The following SLC44A5 variants were observed in gnomAD, a reference collection of about 807,000 sequenced individuals.
SLC44A5 encodes the protein choline transporter-like protein 5.
In SLC44A5, 57 loss-of-function variants were observed where a neutral mutation model predicts 101.8. The ratio of observed to expected loss-of-function variants is 0.56; its 90% CI spans 0.45 to 0.70. The LOEUF (loss-of-function observed/expected upper bound fraction) is 0.70. Ranked by LOEUF, SLC44A5 falls within the 30% of genes least tolerant of loss-of-function variation. SLC44A5 has a pLI of 0.00. For missense variants in SLC44A5, 737 were observed against 853.1 expected (o/e 0.86, Z 1.70); for synonymous variants, 281 against 290.9 (o/e 0.97, Z 0.35).
At chr1:75,353,922 A>G in intron 3 of SLC44A5, 1 of 240,566 alleles carries the variant, frequency 4.2e-6, no homozygotes. Context: ...CAAAAACAGT[A>G]ATATGGGGTA....
At chr1:75,286,110 T>G (rs1181435859) in intron 5 of SLC44A5, among the ~76,000 whole-genome samples, 2 of 152,148 alleles carry the variant, frequency 1.3e-5, no homozygotes, top group Non-Finnish European at 2.9e-5. Context: ...CTAATTCATT[T>G]CTCAGGTCTA....
chr1:75,551,031 C>T (rs1335131289), intron 1 of SLC44A5, among the ~76,000 whole-genome samples: 1 of 152,132 alleles, frequency 6.6e-6, no homozygotes, highest in African/African-American at 2.4e-5. Flanking sequence ...AAGTTTTTAG[C>T]ACAGTTCTTA....
At chr1:75,461,124 A>C (rs1030434522) in intron 2 of SLC44A5, among the ~76,000 whole-genome samples, 2 of 152,224 alleles carry the variant, frequency 1.3e-5, no homozygotes, top group African/African-American at 4.8e-5. Flanking sequence ...CATTTACAAG[A>C]ATGTTTACAA....
chr1:75,335,831 C>G (rs975967930), intron 4 of SLC44A5, among the ~76,000 whole-genome samples: 5 of 152,178 alleles, frequency 3.3e-5, no homozygotes, highest in African/African-American at 7.2e-5. Flanking sequence ...TAGTAGTCTT[C>G]TTTGCTCTGT....
intron 4 of SLC44A5, among the ~76,000 whole-genome samples, chr1:75,324,926 A>T (rs61120728): frequency 0.013 from 2,055 of 152,318 alleles, 46 homozygotes; most frequent in Middle Eastern, 0.054. Flanking sequence ...TGAAAGTTAA[A>T]GTGCTCTCAC....
chr1:75,351,207 T>A (rs1184760403), intron 3 of SLC44A5, among the ~76,000 whole-genome samples: 1 of 151,908 alleles, frequency 6.6e-6, no homozygotes, highest in Non-Finnish European at 1.5e-5. Flanking sequence ...ATTCAAAATG[T>A]GAATGTTTAG....
chr1:75,470,233 T>C (rs937309778), intron 2 of SLC44A5, among the ~76,000 whole-genome samples: 1 of 152,174 alleles, frequency 6.6e-6, no homozygotes. Context: ...GCTAAAAGCT[T>C]TGGTTTTCAA....
At chr1:75,213,424 C>T (rs1190197156) in intron 22 of SLC44A5, among the ~76,000 whole-genome samples, 1 of 152,100 alleles carries the variant, frequency 6.6e-6, no homozygotes, top group Non-Finnish European at 1.5e-5. Flanking sequence ...TTGAAGGTGG[C>T]ACCTTTGGGA....
chr1:75,712,722 GA>G, the SLC44A5 span, among the ~76,000 whole-genome samples: 14 of 85,596 alleles, frequency 1.6e-4, no homozygotes, highest in South Asian at 1.9e-3. Flanking sequence ...AAATGGAAAA[GA>G]AAAAAAAAAT....
At chr1:75,461,606 G>C (rs1238335159) in intron 2 of SLC44A5, among the ~76,000 whole-genome samples, 1 of 152,156 alleles carries the variant, frequency 6.6e-6, no homozygotes, top group African/African-American at 2.4e-5. Flanking sequence ...TTGAGTTACT[G>C]TCTAGGCCAG....
chr1:75,284,170 T>G (rs1471354600), intron 5 of SLC44A5, among the ~76,000 whole-genome samples: 1 of 152,162 alleles, frequency 6.6e-6, no homozygotes, highest in East Asian at 1.9e-4. Context: ...CATCTATGAT[T>G]TCTTTCAGCA....
At chr1:75,469,564 C>T (rs138337340) in intron 2 of SLC44A5, among the ~76,000 whole-genome samples, 2,367 of 152,026 alleles carry the variant, frequency 0.016, 33 homozygotes, top group African/African-American at 0.035. Context: ...TAAAATGGTA[C>T]GGCGTATAAT....
At chr1:75,239,045 A>C (rs1374966264) in intron 9 of SLC44A5, among the ~76,000 whole-genome samples, 1 of 152,112 alleles carries the variant, frequency 6.6e-6, no homozygotes, top group Non-Finnish European at 1.5e-5. Flanking sequence ...TACTTGAGTA[A>C]AACTTTGAAA....
chr1:75,260,900 T>C (rs1650442696), intron 6 of SLC44A5, among the ~76,000 whole-genome samples: 1 of 152,126 alleles, frequency 6.6e-6, no homozygotes, highest in Non-Finnish European at 1.5e-5. Context: ...ACATGGAAAG[T>C]AGACAACATG....
intron 4 of SLC44A5, among the ~76,000 whole-genome samples, chr1:75,318,842 A>G (rs1187703983): frequency 6.6e-6 from 1 of 152,150 alleles, no homozygotes; most frequent in Non-Finnish European, 1.5e-5. Context: ...ACCAGAATAA[A>G]ATGAAGGGCA....
the SLC44A5 span, among the ~76,000 whole-genome samples, chr1:75,705,492 A>G: frequency 6.6e-6 from 1 of 152,162 alleles, no homozygotes; most frequent in African/African-American, 2.4e-5. Context: ...CATGATTTAC[A>G]TATTTCTAGA....
chr1:75,219,303 G>A lies in SLC44A5; in HGVS notation c.1220C>T (p.Ala407Val). The A allele has an allele frequency of 6.2e-7, 1 of 1,613,344 alleles. No individual in the cohort carries two copies. Among genetic ancestry groups the A allele is most frequent in the Non-Finnish European group, 8.5e-7 (1 of 1,179,428 alleles). Reference protein sequence around the residue: ...TSGVPVYKVIAPGGHCIHENQ... With the variant: ...TSGVPVYKVIVPGGHCIHENQ... ...TTCATGTATACAATGCCCCCCTGGA[G>A]CTATGACTTTGTATACAGGTACCCC... Residue 407 changes from alanine to valine, a missense_variant, in exon 16 of 24, where the codon GCT becomes GTT. Around this residue, in one of 3 missense-constraint regions of SLC44A5, gnomAD observed 665 missense variants for 764.4 expected, o/e 0.87. Transcript: ENST00000370859.
the SLC44A5 span, among the ~76,000 whole-genome samples, chr1:75,664,946 G>C: frequency 2.3e-5 from 3 of 128,170 alleles, no homozygotes; most frequent in South Asian, 7.4e-4. Flanking sequence ...AAAAAAAAAA[G>C]AAATCACAGA....
At chr1:75,515,548 C>A (rs1286664447) in intron 2 of SLC44A5, among the ~76,000 whole-genome samples, 3 of 152,226 alleles carry the variant, frequency 2.0e-5, no homozygotes, top group African/African-American at 7.2e-5. Flanking sequence ...CTGTGCCTGA[C>A]TTATTTCACT....
Sources: gnomAD v4.1 joint callset for allele counts (sites outside exome capture counted in the v4.1 genomes callset) on GRCh38, gnomAD v4.1.1 for gene constraint, gnomAD v4.1.1 regional missense constraint, MANE v1.5 for transcripts, NCBI Gene and HGNC (gene_info 2026-07-23, HGNC 2026-07-21) for gene names.